UHRF2: variants seen among roughly 807,000 people sequenced by gnomAD.
UHRF2 encodes ubiquitin like with PHD and ring finger domains 2.
In UHRF2, 23 loss-of-function variants were observed where a neutral mutation model predicts 96.8. That is an observed-to-expected ratio of 0.24 (90% CI 0.17 to 0.34). The LOEUF is 0.34. Ranked by LOEUF, UHRF2 falls within the 10% of genes least tolerant of loss-of-function variation. UHRF2 has a pLI of 1.00. For missense variants in UHRF2, 685 were observed against 981.5 expected (o/e 0.70, Z 4.04); for synonymous variants, 385 against 332.6 (o/e 1.16, Z -1.72).
chr9:6,478,261 T>G (rs1419645342), intron 6 of UHRF2, among the ~76,000 whole-genome samples: 1 of 152,252 alleles, frequency 6.6e-6, no homozygotes, highest in Non-Finnish European at 1.5e-5. Context: ...CTTGACATAT[T>G]TTTATCCTGG....
intron 4 of UHRF2, among the ~76,000 whole-genome samples, chr9:6,475,175 C>T (rs1363048255): frequency 4.6e-5 from 7 of 152,068 alleles, no homozygotes; most frequent in Non-Finnish European, 1.0e-4. Context: ...CTAATGAAGT[C>T]TGTATTTTTT....
intron 7 of UHRF2, 67 bp downstream of exon 7, chr9:6,481,833 G>C: frequency 1.3e-6 from 2 of 1,547,930 alleles, no homozygotes; most frequent in Non-Finnish European, 1.8e-6. Flanking sequence ...AATACCAATA[G>C]TAGTAATGGT....
intron 3 of UHRF2, among the ~76,000 whole-genome samples, chr9:6,459,989 C>A (rs1055779235): frequency 6.6e-6 from 1 of 152,122 alleles, no homozygotes; most frequent in Non-Finnish European, 1.5e-5. Flanking sequence ...CAAAACAAAA[C>A]TTGGGTTAAA....
intron 4 of UHRF2, among the ~76,000 whole-genome samples, chr9:6,461,848 T>C (rs1297993258): frequency 2.0e-5 from 3 of 152,248 alleles, no homozygotes; most frequent in East Asian, 3.8e-4. Context: ...AAATAAAATC[T>C]GTTAATCATT....
chr9:6,448,247 A>G (rs1025221825), intron 3 of UHRF2, among the ~76,000 whole-genome samples: 1 of 152,260 alleles, frequency 6.6e-6, no homozygotes, highest in African/African-American at 2.4e-5. Flanking sequence ...TGATAGGTAC[A>G]TAGTAACAAC....
intron 8 of UHRF2, among the ~76,000 whole-genome samples, chr9:6,484,993 A>C (rs948072180): frequency 6.6e-6 from 1 of 151,682 alleles, no homozygotes; most frequent in Non-Finnish European, 1.5e-5. Context: ...GGGTTACTCC[A>C]TGTTGGTCAG....
In UHRF2 at chr9:6,499,826, C is replaced by A. The variant is rs572428892; in HGVS notation, c.1909-9C>A. 3.1e-5 allele frequency: 49 copies of A among 1,595,458 alleles called. No individual in the cohort carries two copies. The highest frequency in any genetic ancestry group is 4.0e-5 in the African/African-American group (3 of 74,262). The stretch of plus-strand genomic sequence containing the variant: ...CTGCATTGTACTCTCCCTCCTCCCC[C>A]CCCATCAGTATCCAGCAGGTTACCC... On this transcript the variant is annotated splice_polypyrimidine_tract_variant and intron_variant, in intron 12 of 15. Transcript: ENST00000276893.
At chr9:6,425,895 A>G (rs944183414) in intron 2 of UHRF2, among the ~76,000 whole-genome samples, 1 of 152,234 alleles carries the variant, frequency 6.6e-6, no homozygotes, top group African/African-American at 2.4e-5. Flanking sequence ...CTGTGTATAT[A>G]TACATCTATG....
At chr9:6,445,963 T>G (rs1476495232) in intron 3 of UHRF2, among the ~76,000 whole-genome samples, 1 of 62,640 alleles carries the variant, frequency 1.6e-5, no homozygotes. Flanking sequence ...TGGTAAATAC[T>G]CTTCCCCCCC....
Position 6,477,803 on chromosome 9 carries a change from A to G in UHRF2, c.1155A>G (p.Glu385=), listed in dbSNP as rs763303233. 1.3e-6 allele frequency: 2 copies of G among 1,595,422 alleles called. No homozygotes were observed. Among genetic ancestry groups the G allele is most frequent in the African/African-American group, 1.3e-5 (1 of 74,494 alleles). ...NPPLDKVPEE[E]YWYCPSCKTD... ...CTTTGGATAAAGTCCCAGAAGAGGA[A>G]TACTGGTATGATTATCAGGTTTTTG... The change falls in exon 6 of 16, where the codon GAA becomes GAG. Residue 385 remains glutamate (E), a synonymous_variant. Transcript: ENST00000276893.
chr9:6,413,398 C>G lies in UHRF2; in HGVS notation c.-93C>G, dbSNP rs907264555. The G allele has an allele frequency of 6.0e-5, 74 of 1,235,846 alleles. No individual in the cohort carries two copies. Among genetic ancestry groups the G allele is most frequent in the Middle Eastern group, 3.0e-4 (1 of 3,360 alleles). 76.6% of individuals were successfully genotyped at this position (1,235,846 alleles called of 1,614,324 possible). On this transcript the variant is annotated 5_prime_UTR_variant, in exon 1 of 16. Coordinates refer to ENST00000276893, the MANE Select transcript of UHRF2 (RefSeq NM_152896.3). ...GCTCGCCCGCCTGCCGCTGAGGGCC[C>G]GAGCCGCAGGGAAAGCGGCGCGGGC...
intron 4 of UHRF2, among the ~76,000 whole-genome samples, chr9:6,469,653 G>A (rs1454572804): frequency 8.2e-6 from 1 of 122,444 alleles, no homozygotes; most frequent in African/African-American, 3.9e-5. Flanking sequence ...AGGACTTGAT[G>A]AAAGGTGTGT....
At position 6,481,668 on chromosome 9, in the gene UHRF2, T is replaced by G. The variant is rs754212788; in HGVS notation, c.1186T>G (p.Ser396Ala). 1 of 1,613,604 alleles carries G rather than the reference T, an allele frequency of 6.2e-7. No individual in the cohort carries two copies. The highest frequency in any genetic ancestry group is 8.5e-7 in the Non-Finnish European group (1 of 1,179,756). The change falls in exon 7 of 16, where the codon TCC becomes GCC. Residue 396 changes from serine (S) to alanine (A), a missense_variant. Around this residue, in one of 6 missense-constraint regions of UHRF2, gnomAD observed 391 missense variants for 437.0 expected, o/e 0.89. Coordinates refer to ENST00000276893, the MANE Select transcript of UHRF2 (RefSeq NM_152896.3). Reference protein sequence around the residue: ...YWYCPSCKTDSSEVVKAGERL... With the variant: ...YWYCPSCKTDASEVVKAGERL... The stretch of plus-strand genomic sequence containing the variant: ...GTATTGTCCTTCTTGTAAAACTGAT[T>G]CCAGTGAAGTTGTAAAGGCTGGTGA...
At chr9:6,420,440 AC>A (rs1235036576) in intron 1 of UHRF2, among the ~76,000 whole-genome samples, 10 of 148,996 alleles carry the variant, frequency 6.7e-5, no homozygotes, top group African/African-American at 2.5e-4. Context: ...TGCGGTGCTC[AC>A]GCTGTAATCC....
intron 9 of UHRF2, among the ~76,000 whole-genome samples, chr9:6,487,518 C>T (rs1050184684): frequency 3.3e-5 from 5 of 152,174 alleles, no homozygotes; most frequent in Admixed American, 3.3e-4. Flanking sequence ...AAGTATGCAC[C>T]ACTGTGCCTG....
chr9:6,426,522 G>A (rs574401719), intron 2 of UHRF2, among the ~76,000 whole-genome samples: 1 of 152,178 alleles, frequency 6.6e-6, no homozygotes, highest in South Asian at 2.1e-4. Context: ...ACTTTTTGGG[G>A]GATGAACCTT....
At chr9:6,475,961 G>C (rs1351278898) in intron 5 of UHRF2, among the ~76,000 whole-genome samples, 1 of 152,010 alleles carries the variant, frequency 6.6e-6, no homozygotes, top group Admixed American at 6.6e-5. Context: ...TCGTGCTTCT[G>C]AATACTAGAT....
chr9:6,493,730 C>G lies in UHRF2; in HGVS notation c.1498-96C>G. Reference sequence around the variant, plus strand: ...GATGCCTCAAGAGAAAATGTCAACTCATAACATCCTAATGAAATGTTTTGA... The same window carrying G: ...GATGCCTCAAGAGAAAATGTCAACTGATAACATCCTAATGAAATGTTTTGA... On this transcript the variant is annotated intron_variant, in intron 9 of 15. Coordinates refer to ENST00000276893, the MANE Select transcript of UHRF2 (RefSeq NM_152896.3). 3 of 1,073,648 alleles carry G rather than the reference C, an allele frequency of 2.8e-6. No homozygotes were observed. In the South Asian group the frequency reaches 5.2e-5, roughly 19 times the overall value. 66.5% of individuals were successfully genotyped at this position (1,073,648 alleles called of 1,614,324 possible).
chr9:6,488,449 G>A (rs1824446247), intron 9 of UHRF2, among the ~76,000 whole-genome samples: 1 of 149,434 alleles, frequency 6.7e-6, no homozygotes, highest in Non-Finnish European at 1.5e-5. Context: ...TTCCATTATT[G>A]TGTTGCCCTT....
Sources: gnomAD v4.1 joint callset for allele counts (sites outside exome capture counted in the v4.1 genomes callset) on GRCh38, gnomAD v4.1.1 for gene constraint, gnomAD v4.1.1 regional missense constraint, MANE v1.5 for transcripts, NCBI Gene and HGNC (gene_info 2026-07-23, HGNC 2026-07-21) for gene names.